Variants in MCC observed in about 807,000 individuals in gnomAD.
MCC encodes colorectal mutant cancer protein.
MCC carries 90 observed loss-of-function variants against 116.2 expected under a neutral mutation model. That is an observed-to-expected ratio of 0.77 (90% CI 0.65 to 0.92). The LOEUF is 0.92. MCC is among the 40% of genes least tolerant of loss of function. The pLI is 0.00. For synonymous variants in MCC, 578 were observed against 510.5 expected (o/e 1.13, Z -1.78); for missense variants, 1,516 against 1,312.2 (o/e 1.16, Z -2.40).
At chr5:113,123,407 G>T (rs180801494) in intron 5 of MCC, among the ~76,000 whole-genome samples, 3 of 152,170 alleles carry the variant, frequency 2.0e-5, no homozygotes, top group Non-Finnish European at 4.4e-5. Context: ...GTAGAACTAG[G>T]GGGTAGGAAG....
chr5:113,226,995 T>C (rs962991208), intron 3 of MCC, among the ~76,000 whole-genome samples: 5 of 152,212 alleles, frequency 3.3e-5, no homozygotes, highest in African/African-American at 1.2e-4. Context: ...ATGTATATTT[T>C]GTTATTTGCT....
chr5:113,227,572 G>A lies in MCC; in HGVS notation c.628-76150C>T, dbSNP rs878980139. On this transcript the variant is annotated intron_variant, in intron 3 of 18. Coordinates refer to ENST00000408903, the MANE Select transcript of MCC (RefSeq NM_001085377.2). ...ATGTAACTAATATTTGTACTTTAAT[G>A]ATTTATAGAATAATATCCCTTCCAT... is the stretch of plus-strand genomic sequence containing the variant. 2.0e-5 allele frequency among the ~76,000 whole-genome samples: 3 copies of A among 152,256 alleles called. No homozygotes were observed. The South Asian group carries it at 6.2e-4, about 32-fold the overall frequency.
chr5:113,476,760 G>A (rs348932), intron 1 of MCC, among the ~76,000 whole-genome samples: 104,667 of 151,932 alleles, frequency 0.69, 36,466 homozygotes, highest in East Asian at 0.88. Context: ...GGGGAAATGA[G>A]GATGACTGCT....
intron 3 of MCC, among the ~76,000 whole-genome samples, chr5:113,221,416 T>C (rs901841971): frequency 6.6e-6 from 1 of 152,206 alleles, no homozygotes. Context: ...GGTTTAGCTT[T>C]GAAACGAAGA....
intron 6 of MCC, among the ~76,000 whole-genome samples, chr5:113,110,617 C>G (rs374429663): frequency 3.3e-5 from 5 of 152,280 alleles, no homozygotes; most frequent in African/African-American, 1.2e-4. Context: ...AAAGGGAACT[C>G]TGGGGAGTGC....
chr5:113,229,178 G>T (rs551336906), intron 3 of MCC, among the ~76,000 whole-genome samples: 1 of 152,056 alleles, frequency 6.6e-6, no homozygotes, highest in Non-Finnish European at 1.5e-5. Flanking sequence ...GGATGGGGAG[G>T]GGCTGAAGAA....
At chr5:113,330,960 A>G (rs1437500704) in intron 3 of MCC, among the ~76,000 whole-genome samples, 12 of 152,220 alleles carry the variant, frequency 7.9e-5, no homozygotes, top group Non-Finnish European at 1.6e-4. Flanking sequence ...ATGGACCTGA[A>G]CAAGGTTTCA....
chr5:113,062,465 T>C (rs956954043), intron 14 of MCC, among the ~76,000 whole-genome samples: 3 of 152,218 alleles, frequency 2.0e-5, no homozygotes, highest in Admixed American at 6.5e-5. Context: ...AAATGATCCG[T>C]AGCACAAACC....
At chr5:113,109,497 C>T (rs184845852) in intron 6 of MCC, among the ~76,000 whole-genome samples, 47 of 151,858 alleles carry the variant, frequency 3.1e-4, no homozygotes, top group Middle Eastern at 6.8e-3. Flanking sequence ...GGGGGTGATG[C>T]GAGAATAGGG....
chr5:113,420,125 G>T (rs1292342367), intron 1 of MCC, among the ~76,000 whole-genome samples: 2 of 131,082 alleles, frequency 1.5e-5, no homozygotes, highest in Non-Finnish European at 3.1e-5. Context: ...TTCATTCATT[G>T]TGCCAAAGTT....
intron 3 of MCC, among the ~76,000 whole-genome samples, chr5:113,274,551 G>A (rs1765749447): frequency 6.6e-6 from 1 of 152,092 alleles, no homozygotes; most frequent in Admixed American, 6.5e-5. Context: ...AGTGGAGATG[G>A]GGTTTCACCA....
intron 3 of MCC, among the ~76,000 whole-genome samples, chr5:113,177,038 A>T (rs1173416607): frequency 6.6e-6 from 1 of 152,194 alleles, no homozygotes; most frequent in Non-Finnish European, 1.5e-5. Flanking sequence ...ACAACTCTTC[A>T]GTGGCTGCCC....
At chr5:113,074,427 G>A (rs1322036127) in intron 11 of MCC, among the ~76,000 whole-genome samples, 1 of 152,240 alleles carries the variant, frequency 6.6e-6, no homozygotes, top group African/African-American at 2.4e-5. Context: ...CAAAGATGGG[G>A]AGAAACCAGA....
intron 3 of MCC, among the ~76,000 whole-genome samples, chr5:113,240,735 C>G (rs572717792): frequency 3.9e-5 from 6 of 152,236 alleles, no homozygotes; most frequent in Admixed American, 3.3e-4. Context: ...TTTAAATCAC[C>G]CAGTTAATGT....
intron 7 of MCC, among the ~76,000 whole-genome samples, chr5:113,103,820 T>C (rs1756572079): frequency 6.6e-6 from 1 of 152,170 alleles, no homozygotes; most frequent in Admixed American, 6.5e-5. Flanking sequence ...ACTCCTGAAA[T>C]CGTATTCTAG....
At chr5:113,311,083 T>A (rs1767124877) in intron 3 of MCC, among the ~76,000 whole-genome samples, 1 of 152,178 alleles carries the variant, frequency 6.6e-6, no homozygotes, top group Admixed American at 6.5e-5. Flanking sequence ...TGAGCTGTGA[T>A]CAAGCCACTG....
At chr5:113,302,713 T>C (rs1766893509) in intron 3 of MCC, among the ~76,000 whole-genome samples, 1 of 152,152 alleles carries the variant, frequency 6.6e-6, no homozygotes, top group African/African-American at 2.4e-5. Context: ...TAATGATGAA[T>C]TGATAACTAC....
At chr5:113,431,775 G>T (rs577006358) in intron 1 of MCC, among the ~76,000 whole-genome samples, 4,297 of 128,750 alleles carry the variant, frequency 0.033, 319 homozygotes, top group African/African-American at 0.11. Flanking sequence ...GGGGGGGGGG[G>T]GTGGATCACG....
At chr5:113,195,972 C>T (rs1460458853) in intron 3 of MCC, among the ~76,000 whole-genome samples, 1 of 152,232 alleles carries the variant, frequency 6.6e-6, no homozygotes, top group African/African-American at 2.4e-5. Flanking sequence ...TCTCTTCCAA[C>T]TACTGAAATC....
Sources: gnomAD v4.1 joint callset for allele counts (sites outside exome capture counted in the v4.1 genomes callset) on GRCh38, gnomAD v4.1.1 for gene constraint, MANE v1.5 for transcripts, NCBI Gene and HGNC (gene_info 2026-07-23, HGNC 2026-07-21) for gene names.